TMEM178B: variants seen among roughly 807,000 people sequenced by gnomAD.
TMEM178B encodes transmembrane protein 178B.
In TMEM178B, 5 loss-of-function variants were observed where a neutral mutation model predicts 31.0. The observed-to-expected ratio is 0.16, with a 90% CI of 0.08 to 0.34. TMEM178B has a LOEUF of 0.34. Among genes scored for constraint, TMEM178B ranks in the 10% least tolerant of loss-of-function variants. The pLI is 1.00. For synonymous variants in TMEM178B, 164 were observed against 164.0 expected (o/e 1.00, Z 0.00); for missense variants, 275 against 400.3 (o/e 0.69, Z 2.67).
chr7:141,357,685 C>T (rs1233393109), intron 2 of TMEM178B, among the ~76,000 whole-genome samples: 2 of 152,286 alleles, frequency 1.3e-5, no homozygotes, highest in African/African-American at 2.4e-5. Context: ...ATCACTACTT[C>T]GAATTTATGG....
chr7:141,132,180 A>G (rs749367171), intron 1 of TMEM178B, among the ~76,000 whole-genome samples: 2 of 152,136 alleles, frequency 1.3e-5, no homozygotes, highest in African/African-American at 2.4e-5. Flanking sequence ...AAAGAAGACT[A>G]TTAATTCCTC....
intron 1 of TMEM178B, among the ~76,000 whole-genome samples, chr7:141,201,057 A>G (rs1239338934): frequency 2.0e-5 from 3 of 152,116 alleles, no homozygotes; most frequent in Non-Finnish European, 4.4e-5. Context: ...GAGGTAACAA[A>G]CCAAAATATT....
At chr7:141,451,882 G>A (rs1801869906) in intron 3 of TMEM178B, among the ~76,000 whole-genome samples, 1 of 152,114 alleles carries the variant, frequency 6.6e-6, no homozygotes, top group Non-Finnish European at 1.5e-5. Flanking sequence ...TGTCTCGGAA[G>A]CTGGCTTCTT....
At chr7:141,372,109 C>T (rs758515414) in intron 2 of TMEM178B, among the ~76,000 whole-genome samples, 2 of 152,288 alleles carry the variant, frequency 1.3e-5, no homozygotes, top group East Asian at 3.9e-4. Flanking sequence ...CTTCGTTTCC[C>T]TCTTAAAGTC....
intron 3 of TMEM178B, among the ~76,000 whole-genome samples, chr7:141,464,819 C>T: frequency 6.6e-6 from 1 of 152,332 alleles, no homozygotes; most frequent in Non-Finnish European, 1.5e-5. Flanking sequence ...CCAGCCACCA[C>T]TCCTACTGTC....
chr7:141,228,715 T>C (rs1797386427), intron 2 of TMEM178B, among the ~76,000 whole-genome samples: 1 of 152,216 alleles, frequency 6.6e-6, no homozygotes. Context: ...TGAATGAAGA[T>C]AGCAGTGGAG....
chr7:141,292,753 T>C (rs2116424774), intron 2 of TMEM178B, among the ~76,000 whole-genome samples: 1 of 148,472 alleles, frequency 6.7e-6, no homozygotes, highest in East Asian at 2.1e-4. Context: ...TTCTCCTGCC[T>C]CAGCCTCCTG....
At chr7:141,200,283 T>A (rs1476348589) in intron 1 of TMEM178B, among the ~76,000 whole-genome samples, 1 of 152,116 alleles carries the variant, frequency 6.6e-6, no homozygotes, top group Non-Finnish European at 1.5e-5. Context: ...GGAGACAGGA[T>A]GGCTTAAGGG....
chr7:141,500,374 C>T, the TMEM178B span, among the ~76,000 whole-genome samples: 1 of 152,106 alleles, frequency 6.6e-6, no homozygotes, highest in South Asian at 2.1e-4. Flanking sequence ...GATTGAGAGG[C>T]TCAGGAAAAC....
chr7:141,110,452 T>C (rs1387846633), intron 1 of TMEM178B, among the ~76,000 whole-genome samples: 1 of 152,236 alleles, frequency 6.6e-6, no homozygotes, highest in Non-Finnish European at 1.5e-5. Flanking sequence ...AGAGGCAGCA[T>C]TTGGAGAACC....
intron 1 of TMEM178B, among the ~76,000 whole-genome samples, chr7:141,101,896 A>G (rs988749749): frequency 8.9e-5 from 13 of 145,556 alleles, no homozygotes; most frequent in African/African-American, 3.4e-4. Context: ...GTGCCTGGAT[A>G]GTGTGTGTTA....
chr7:141,495,141 C>T, the TMEM178B span, among the ~76,000 whole-genome samples: 5 of 152,200 alleles, frequency 3.3e-5, no homozygotes, highest in African/African-American at 1.2e-4. Context: ...AGGGGACCAA[C>T]ATGTCAAATC....
chr7:141,505,164 T>C, the TMEM178B span, among the ~76,000 whole-genome samples: 1 of 152,258 alleles, frequency 6.6e-6, no homozygotes, highest in African/African-American at 2.4e-5. Context: ...CAACACTCTA[T>C]AGAAAGCCTA....
chr7:141,296,669 G>A (rs1483427294), intron 2 of TMEM178B, among the ~76,000 whole-genome samples: 1 of 152,208 alleles, frequency 6.6e-6, no homozygotes, highest in Non-Finnish European at 1.5e-5. Context: ...ACACGCGGTT[G>A]TAAGAAAAGG....
chr7:141,321,867 A>G (rs972959544), intron 2 of TMEM178B, among the ~76,000 whole-genome samples: 2 of 151,286 alleles, frequency 1.3e-5, no homozygotes, highest in South Asian at 4.2e-4. Context: ...ACGTGCAACC[A>G]TGAAGGAAGA....
Position 141,134,150 on chromosome 7 carries a change from G to A in TMEM178B, c.382+59458G>A, listed in dbSNP as rs117412427. On this transcript the variant is annotated intron_variant, in intron 1 of 3. Coordinates refer to ENST00000565468, the MANE Select transcript of TMEM178B (RefSeq NM_001195278.2). ...CTTGGGAGGCTGAGGTAGGAGGATC[G>A]CTTGAACCTGAAAGTTTGAGGCTGC... Among the ~76,000 whole-genome samples, 20 of 152,190 alleles carry A rather than the reference G, an allele frequency of 1.3e-4. 1 individual carries two copies. Among genetic ancestry groups the A allele is most frequent in the African/African-American group, 4.3e-4 (18 of 41,540 alleles).
At chr7:141,182,856 C>G (rs932718964) in intron 1 of TMEM178B, among the ~76,000 whole-genome samples, 1 of 152,104 alleles carries the variant, frequency 6.6e-6, no homozygotes, top group Admixed American at 6.6e-5. Context: ...TGCCTTCCAC[C>G]GTTTCCTTAG....
At chr7:141,305,768 A>G (rs1270310951) in intron 2 of TMEM178B, among the ~76,000 whole-genome samples, 1 of 151,538 alleles carries the variant, frequency 6.6e-6, no homozygotes, top group Non-Finnish European at 1.5e-5. Flanking sequence ...CTTTTTTCCT[A>G]CTGTTATCCC....
At chr7:141,426,779 A>G (rs1801325052) in intron 2 of TMEM178B, among the ~76,000 whole-genome samples, 2 of 152,210 alleles carry the variant, frequency 1.3e-5, no homozygotes, top group African/African-American at 4.8e-5. Flanking sequence ...TTATGTAGTT[A>G]TATAGAGAGA....
Sources: gnomAD v4.1 joint callset for allele counts (sites outside exome capture counted in the v4.1 genomes callset) on GRCh38, gnomAD v4.1.1 for gene constraint, MANE v1.5 for transcripts, NCBI Gene and HGNC (gene_info 2026-07-23, HGNC 2026-07-21) for gene names.